The following UNC80 variants were observed in gnomAD, a reference collection of about 807,000 sequenced individuals.
UNC80 encodes unc-80 subunit of NALCN channel complex.
Under a neutral mutation model 384.6 loss-of-function variants are expected in UNC80, and 164 were observed. The ratio of observed to expected loss-of-function variants is 0.43; its 90% CI spans 0.38 to 0.49. The LOEUF is 0.49. Among genes scored for constraint, UNC80 ranks in the 20% least tolerant of loss-of-function variants. The pLI is 0.00. For synonymous variants in UNC80, 1,486 were observed against 1,527.8 expected (o/e 0.97, Z 0.64); for missense variants, 3,330 against 4,143.0 (o/e 0.80, Z 5.39).
intron 26 of UNC80, among the ~76,000 whole-genome samples, chr2:209,889,818 A>G (rs1031336197): frequency 1.3e-5 from 2 of 152,034 alleles, no homozygotes; most frequent in Non-Finnish European, 2.9e-5. Flanking sequence ...AAGGACATGA[A>G]CTCATCCTTT....
At position 209,921,488 on chromosome 2, in the gene UNC80, A is replaced by G; in HGVS notation, c.5344-12A>G. 2 of 1,525,544 alleles carry G rather than the reference A, an allele frequency of 1.3e-6. No homozygotes were observed. Among genetic ancestry groups the G allele is most frequent in the Non-Finnish European group, 8.8e-7 (1 of 1,133,466 alleles). The allele number at this position is 1,525,544 out of a possible 1,614,324, so 94.5% of individuals were successfully genotyped here. ...ATTGCTATTAAATGAACTTGCCTTTATGTCTCCACAGAAATCCTTTTCAGC... is the reference window on the plus strand; with the variant it reads ...ATTGCTATTAAATGAACTTGCCTTTGTGTCTCCACAGAAATCCTTTTCAGC... On this transcript the variant is annotated splice_polypyrimidine_tract_variant and intron_variant, in intron 33 of 64. Coordinates refer to ENST00000673920, the MANE Select transcript of UNC80 (RefSeq NM_001371986.1).
rs765010337 is a variant in UNC80, at chr2:209,817,031, C to A, written c.1458C>A (p.Ser486=). 6.4e-7 allele frequency: 1 copy of A among 1,551,714 alleles called. No individual in the cohort carries two copies. Among genetic ancestry groups the A allele is most frequent in the South Asian group, 1.2e-5 (1 of 84,056 alleles). The change falls in exon 10 of 65, where the codon TCC becomes TCA. Residue 486 remains serine, a synonymous_variant. Transcript: ENST00000673920. ...TTCACGAGGACCACCTGGATGTGTCCCCCACGCGCAGCACATTCTCCTTTG... is the reference window on the plus strand; with the variant it reads ...TTCACGAGGACCACCTGGATGTGTCACCCACGCGCAGCACATTCTCCTTTG... The part of the protein sequence containing the change: ...FLLHEDHLDV[S]PTRSTFSFGS...
intron 21 of UNC80, among the ~76,000 whole-genome samples, chr2:209,844,484 C>T (rs201239353): frequency 0.23 from 13,295 of 57,440 alleles, 1,163 homozygotes; most frequent in African/African-American, 0.28. Flanking sequence ...TCTTTCCTTC[C>T]TTCCTTCCTT....
At chr2:209,815,607 G>T (rs2079679160) in intron 9 of UNC80, among the ~76,000 whole-genome samples, 1 of 152,110 alleles carries the variant, frequency 6.6e-6, no homozygotes, top group Non-Finnish European at 1.5e-5. Flanking sequence ...GCTCCACAGG[G>T]TTGTCATGAA....
chr2:209,896,461 C>A, intron 28 of UNC80, 48 bp downstream of exon 28: 2 of 1,444,324 alleles, frequency 1.4e-6, no homozygotes, highest in Non-Finnish European at 1.9e-6. Context: ...TCTTTTGGCA[C>A]TGGGGAAGAT....
At chr2:209,944,974 A>T (rs78967661) in intron 45 of UNC80, 77 bp from the exon 46 acceptor site, 39,886 of 1,485,844 alleles carry the variant, frequency 0.027, 872 homozygotes, top group Middle Eastern at 0.11. Context: ...AATAGCATTT[A>T]TAAAATTTGA....
intron 24 of UNC80, 150 bp from the exon 25 acceptor site, chr2:209,880,811 T>C: frequency 2.9e-6 from 2 of 686,554 alleles, no homozygotes; most frequent in Non-Finnish European, 4.8e-6. Flanking sequence ...ATAGATGAAG[T>C]CCTCATATGT....
chr2:209,864,256 C>T (rs2083549511), intron 22 of UNC80, among the ~76,000 whole-genome samples: 1 of 152,048 alleles, frequency 6.6e-6, no homozygotes, highest in Admixed American at 6.6e-5. Context: ...GGGGCACCAA[C>T]CTGAATGCCA....
chr2:209,792,790 G>C (rs1000249000), intron 6 of UNC80, among the ~76,000 whole-genome samples: 1 of 152,180 alleles, frequency 6.6e-6, no homozygotes, highest in Non-Finnish European at 1.5e-5. Context: ...ATATGTGGCT[G>C]TTTGTGGCTT....
chr2:209,888,201 AT>A lies in UNC80; in HGVS notation c.4219del (p.Ser1407LeufsTer27). On this transcript the variant is annotated frameshift_variant, in exon 26 of 65. Coordinates refer to ENST00000673920, the MANE Select transcript of UNC80 (RefSeq NM_001371986.1). LOFTEE classifies it high-confidence loss of function. Reference sequence around the variant, plus strand: ...CTGGACGAAAATGAAGACTCAAAAGATTCTCTCCACAGCAGCAGCCACACTC... The same window carrying A: ...CTGGACGAAAATGAAGACTCAAAAGATCTCTCCACAGCAGCAGCCACACTC... ...GVLDENEDSK[D>X]SLHSSSHTLK... 1 of 1,551,712 alleles carries A rather than the reference AT, an allele frequency of 6.4e-7. No homozygotes were observed. Among genetic ancestry groups the A allele is most frequent in the Admixed American group, 2.0e-5 (1 of 51,008 alleles).
chr2:209,992,219 C>T lies in UNC80; in HGVS notation c.9368C>T (p.Pro3123Leu), dbSNP rs867284621. Reference protein sequence around the residue: ...PGQQNLLVQQPLGRKRGLRQL... With the variant: ...PGQQNLLVQQLLGRKRGLRQL... ...CAACAGAACCTCCTTGTTCAGCAGC[C>T]GCTGGGGAGGAAGAGGGGCCTGAGG... is the stretch of plus-strand genomic sequence containing the variant. Residue 3123 changes from proline (P) to leucine (L), a missense_variant, in exon 62 of 65, where the codon CCG becomes CTG. Around this residue, in one of 8 missense-constraint regions of UNC80, gnomAD observed 236 missense variants for 254.9 expected, o/e 0.93. Coordinates refer to ENST00000673920, the MANE Select transcript of UNC80 (RefSeq NM_001371986.1). 12 of 1,551,400 alleles carry T rather than the reference C, an allele frequency of 7.7e-6. No individual in the cohort carries two copies. Among genetic ancestry groups the T allele is most frequent in the East Asian group, 4.9e-5 (2 of 40,928 alleles).
chr2:209,883,040 C>G (rs994393245), intron 25 of UNC80, among the ~76,000 whole-genome samples: 14 of 152,116 alleles, frequency 9.2e-5, no homozygotes, highest in Admixed American at 8.5e-4. Flanking sequence ...CTAGGATTTT[C>G]ATTGTTAATG....
At chr2:209,800,819 G>T (rs928769942) in intron 7 of UNC80, among the ~76,000 whole-genome samples, 1 of 152,104 alleles carries the variant, frequency 6.6e-6, no homozygotes, top group African/African-American at 2.4e-5. Flanking sequence ...TATTTACCCA[G>T]GAGTCATTCA....
Position 209,816,912 on chromosome 2 carries a change from A to C in UNC80, c.1339A>C (p.Lys447Gln). 6.4e-7 allele frequency: 1 copy of C among 1,551,614 alleles called. No individual in the cohort carries two copies. The highest frequency in any genetic ancestry group is 8.7e-7 in the Non-Finnish European group (1 of 1,146,970). ...DLGMNIFKKF[K>Q]SRKEDRERKG... The stretch of plus-strand genomic sequence containing the variant: ...TCTACACCTCTCATCACTGTAGTTC[A>C]AGAGCCGCAAAGAAGACCGAGAGAG... The change falls in exon 10 of 65, where the codon AAG becomes CAG. Residue 447 changes from lysine to glutamine, a missense_variant. Around this residue, in one of 8 missense-constraint regions of UNC80, gnomAD observed 937 missense variants for 1,026.8 expected, o/e 0.91. Transcript: ENST00000673920.
Position 209,941,279 on chromosome 2 carries a change from G to A in UNC80, c.6705G>A (p.Leu2235=), listed in dbSNP as rs542435861. Residue 2235 remains leucine (L), a synonymous_variant, in exon 44 of 65, where the codon CTG becomes CTA. Transcript: ENST00000673920. ...AGAAAAGCTTGTGGATCCAGCTGCT[G>A]GAGGAAATGTTCCTGGGCATGCCGA... ...TLQKSLWIQL[L]EEMFLGMPSE... 4.5e-6 allele frequency: 7 copies of A among 1,540,562 alleles called. No individual in the cohort carries two copies. The East Asian group carries it at 1.5e-4, about 33-fold the overall frequency.
chr2:209,809,452 C>A, intron 7 of UNC80: 1 of 1,475,878 alleles, frequency 6.8e-7, no homozygotes, highest in Non-Finnish European at 9.5e-7. Flanking sequence ...CCGCTCCAAC[C>A]TGCGGGCCCA....
chr2:209,841,343 G>T (rs1315226004), intron 20 of UNC80, among the ~76,000 whole-genome samples: 1 of 152,000 alleles, frequency 6.6e-6, no homozygotes, highest in African/African-American at 2.4e-5. Context: ...GGTTTTTGTT[G>T]TTGTTGTTGT....
chr2:209,956,942 A>G (rs529420888), intron 48 of UNC80, among the ~76,000 whole-genome samples: 10 of 152,354 alleles, frequency 6.6e-5, no homozygotes, highest in African/African-American at 1.9e-4. Context: ...GAAAGTGAGC[A>G]ACAAAGAAGC....
intron 51 of UNC80, among the ~76,000 whole-genome samples, chr2:209,963,766 G>C (rs1432500238): frequency 6.6e-6 from 1 of 152,200 alleles, no homozygotes. Context: ...AATATGTTCA[G>C]TTTGGAGAGA....
Sources: allele counts gnomAD v4.1 joint callset (sites outside exome capture counted in the v4.1 genomes callset), GRCh38; gene constraint gnomAD v4.1.1; regional missense constraint gnomAD v4.1.1; transcripts MANE v1.5; gene names NCBI Gene and HGNC (gene_info 2026-07-23, HGNC 2026-07-21).